The following CLEC12A variants were observed in gnomAD, a reference collection of about 807,000 sequenced individuals.
The protein encoded by CLEC12A is C-type lectin protein CLL-1.
A neutral mutation model predicts 26.5 loss-of-function variants in CLEC12A; 22 were observed. The observed-to-expected ratio is 0.83, with a 90% CI of 0.59 to 1.19. The LOEUF (loss-of-function observed/expected upper bound fraction) is 1.19, where lower values mean the gene tolerates loss of function less well. Ranked by LOEUF, CLEC12A falls within the 50% of genes most tolerant of loss-of-function variation. The pLI is 0.00. For synonymous variants in CLEC12A, 119 were observed against 101.9 expected (o/e 1.17, Z -1.01); for missense variants, 353 against 315.6 (o/e 1.12, Z -0.90).
intron 1 of CLEC12A, among the ~76,000 whole-genome samples, chr12:9,976,594 G>A (rs1375116438): frequency 6.6e-6 from 1 of 152,212 alleles, no homozygotes; most frequent in African/African-American, 2.4e-5. Context: ...GACTTGCCTT[G>A]TCTCAGATGG....
rs76298078 is a variant in CLEC12A at position 9,960,087 on chromosome 12, A to T, written c.10+8731A>T. Among the ~76,000 whole-genome samples, 6 of 152,306 alleles carry T rather than the reference A, an allele frequency of 3.9e-5. No homozygotes were observed. In the East Asian group the frequency reaches 9.7e-4, roughly 25 times the overall value. On this transcript the variant is annotated intron_variant, in intron 1 of 6. Coordinates refer to the CLEC12A transcript ENST00000355690. ...CAACCACAATAGGTCAGTCTTTTTAAGGTGCTGCTGACCACCCACTCGTCT... is the reference window on the plus strand; with the variant it reads ...CAACCACAATAGGTCAGTCTTTTTATGGTGCTGCTGACCACCCACTCGTCT...
At chr12:9,977,709 C>G (rs962675892) in intron 1 of CLEC12A, among the ~76,000 whole-genome samples, 4 of 152,128 alleles carry the variant, frequency 2.6e-5, no homozygotes, top group Admixed American at 1.3e-4. Context: ...TTCTTTCTCC[C>G]TGTCTCACTT....
At chr12:9,985,768 G>A (rs1004935741), downstream of CLEC12A, 9 of 292,878 alleles carry the variant, frequency 3.1e-5, no homozygotes, top group African/African-American at 2.0e-4. Context: ...TACCCAAGAG[G>A]CTTTGTTACA....
chr12:10,001,172 A>T, the CLEC12A span, among the ~76,000 whole-genome samples: 2 of 152,182 alleles, frequency 1.3e-5, no homozygotes, highest in African/African-American at 4.8e-5. Context: ...TATTAAAGAG[A>T]ACAATTAGAT....
At chr12:9,977,466 T>C (rs1316927516) in intron 1 of CLEC12A, among the ~76,000 whole-genome samples, 1 of 152,264 alleles carries the variant, frequency 6.6e-6, no homozygotes, top group Non-Finnish European at 1.5e-5. Flanking sequence ...AACATCATTT[T>C]TCACATTGGC....
At chr12:10,004,870 CTTG>C in the CLEC12A span, among the ~76,000 whole-genome samples, 1 of 151,932 alleles carries the variant, frequency 6.6e-6, no homozygotes, top group African/African-American at 2.4e-5. Context: ...CACCCATTAA[CTTG>C]TCATTTACAT....
intron 1 of CLEC12A, among the ~76,000 whole-genome samples, chr12:9,952,238 C>T (rs1190261899): frequency 9.0e-5 from 13 of 144,872 alleles, no homozygotes; most frequent in African/African-American, 3.3e-4. Context: ...CATGTGGAGC[C>T]GAAGCTGGAC....
At chr12:9,969,064 A>G (rs557036416), upstream of CLEC12A, among the ~76,000 whole-genome samples, 4 of 152,334 alleles carry the variant, frequency 2.6e-5, no homozygotes, top group South Asian at 2.1e-4. Flanking sequence ...TCATGGAAGC[A>G]GAGAGTAGAA....
intron 4 of CLEC12A, among the ~76,000 whole-genome samples, chr12:9,981,052 G>C (rs966237585): frequency 1.3e-5 from 2 of 152,096 alleles, no homozygotes; most frequent in Non-Finnish European, 2.9e-5. Context: ...TAAAAACAGA[G>C]GATACAGAGA....
chr12:9,995,812 T>C (rs747614702), downstream of CLEC12A: 3 of 184,460 alleles, frequency 1.6e-5, no homozygotes, highest in South Asian at 3.1e-4. Flanking sequence ...ATTATCACTA[T>C]CTACTAAACT....
At position 9,984,761 on chromosome 12, in the gene CLEC12A, A is replaced by T. The variant is rs995240615; in HGVS notation, c.642-109A>T. ...ACATTAAATTAGATTTAGTTTAAAC[A>T]ACACAGAGTCTAGGGCAATAATATC... On this transcript the variant is annotated intron_variant, in intron 5 of 5. Coordinates refer to ENST00000304361, the MANE Select transcript of CLEC12A (RefSeq NM_138337.6). The T allele has an allele frequency of 1.4e-5, 14 of 1,012,290 alleles. No homozygotes were observed. The African/African-American group carries it at 2.3e-4, about 17-fold the overall frequency. 62.7% of individuals were successfully genotyped at this position (1,012,290 alleles called of 1,614,324 possible).
chr12:9,954,806 A>G (rs1863716340), intron 1 of CLEC12A, among the ~76,000 whole-genome samples: 1 of 152,218 alleles, frequency 6.6e-6, no homozygotes, highest in African/African-American at 2.4e-5. Context: ...ACTTAAGTAA[A>G]TCTTTAATAA....
downstream of CLEC12A, chr12:9,999,229 G>A (rs976467860): frequency 8.8e-6 from 5 of 566,680 alleles, no homozygotes; most frequent in Admixed American, 8.6e-5. Flanking sequence ...CATGTGAGAT[G>A]GGACACATTT....
downstream of CLEC12A, among the ~76,000 whole-genome samples, chr12:9,986,835 A>C (rs1864778972): frequency 6.6e-6 from 1 of 152,204 alleles, no homozygotes; most frequent in Admixed American, 6.5e-5. Context: ...TAATTAATTT[A>C]AAATGCAGCA....
chr12:9,983,523 G>A (rs1296032330), intron 5 of CLEC12A: 1 of 695,466 alleles, frequency 1.4e-6, no homozygotes, highest in South Asian at 1.5e-5. Flanking sequence ...TGAAATTTGG[G>A]AAGCAGAAAA....
intron 1 of CLEC12A, among the ~76,000 whole-genome samples, chr12:9,971,917 TTTA>T (rs1318242705): frequency 1.3e-5 from 2 of 152,162 alleles, no homozygotes; most frequent in East Asian, 1.9e-4. Flanking sequence ...TTTGAAATTT[TTTA>T]TTATCACACT....
At chr12:9,963,084 C>T (rs371018136) in intron 1 of CLEC12A, among the ~76,000 whole-genome samples, 4 of 151,970 alleles carry the variant, frequency 2.6e-5, no homozygotes, top group Non-Finnish European at 2.9e-5. Context: ...TAGAATTATT[C>T]GTGATGGCCT....
chr12:9,998,744 C>T (rs537767815), downstream of CLEC12A, among the ~76,000 whole-genome samples: 1 of 152,142 alleles, frequency 6.6e-6, no homozygotes, highest in East Asian at 1.9e-4. Flanking sequence ...CTCATTTGCT[C>T]ACATATAGAA....
chr12:9,978,208 G>A (rs1319663834), intron 1 of CLEC12A, among the ~76,000 whole-genome samples: 1 of 151,868 alleles, frequency 6.6e-6, no homozygotes, highest in Non-Finnish European at 1.5e-5. Context: ...ATGTATAATA[G>A]CTTTATACAT....
Sources: allele counts gnomAD v4.1 joint callset (sites outside exome capture counted in the v4.1 genomes callset), GRCh38; gene constraint gnomAD v4.1.1; transcripts MANE v1.5; gene names NCBI Gene and HGNC (gene_info 2026-07-23, HGNC 2026-07-21).